CSMD1: variants seen among roughly 807,000 people sequenced by gnomAD.
CSMD1 encodes CUB and Sushi multiple domains 1.
A neutral mutation model predicts 417.5 loss-of-function variants in CSMD1; 213 were observed. That is an observed-to-expected ratio of 0.51 (90% CI 0.46 to 0.57). The LOEUF is 0.57. Among genes scored for constraint, CSMD1 ranks in the 20% least tolerant of loss-of-function variants. The probability of loss-of-function intolerance (pLI) is 0.00; values close to 1 mark genes in which losing one functional copy is unlikely to be tolerated. For missense variants in CSMD1, 6,923 were observed against 4,529.7 expected (o/e 1.53, Z -15.17); for synonymous variants, 2,862 against 1,736.8 (o/e 1.65, Z -16.11).
At chr8:3,628,150 G>GT (rs1796587420) in intron 7 of CSMD1, among the ~76,000 whole-genome samples, 1 of 152,168 alleles carries the variant, frequency 6.6e-6, no homozygotes, top group Non-Finnish European at 1.5e-5. Context: ...TTGTTGACGT[G>GT]TAAACCCCCC....
intron 5 of CSMD1, among the ~76,000 whole-genome samples, chr8:3,799,837 G>C (rs1201736146): frequency 6.6e-6 from 1 of 152,078 alleles, no homozygotes; most frequent in Non-Finnish European, 1.5e-5. Context: ...TGGACATGAG[G>C]CTAGGTTTTG....
intron 18 of CSMD1, among the ~76,000 whole-genome samples, chr8:3,374,060 C>T (rs564961436): frequency 6.6e-6 from 1 of 150,618 alleles, no homozygotes; most frequent in South Asian, 2.1e-4. Flanking sequence ...TCAAGCAATT[C>T]TCCTCCCTCA....
At chr8:4,237,654 T>G in intron 3 of CSMD1, among the ~76,000 whole-genome samples, 1 of 152,126 alleles carries the variant, frequency 6.6e-6, no homozygotes, top group Non-Finnish European at 1.5e-5. Context: ...TAGCTGAGAC[T>G]GGAGGTGTGC....
At chr8:4,202,180 T>G (rs531858016) in intron 3 of CSMD1, among the ~76,000 whole-genome samples, 8 of 152,192 alleles carry the variant, frequency 5.3e-5, no homozygotes, top group Non-Finnish European at 1.2e-4. Context: ...TGTGTTAGTA[T>G]TATTACTCTT....
At chr8:4,013,013 G>T (rs190804263) in intron 4 of CSMD1, among the ~76,000 whole-genome samples, 3 of 152,104 alleles carry the variant, frequency 2.0e-5, no homozygotes, top group African/African-American at 7.2e-5. Flanking sequence ...ATTTTGCAAT[G>T]ATTTTCTAAT....
intron 1 of CSMD1, among the ~76,000 whole-genome samples, chr8:4,991,390 A>G (rs1335335881): frequency 6.6e-6 from 1 of 152,236 alleles, no homozygotes; most frequent in East Asian, 1.9e-4. Flanking sequence ...GTACAGCACC[A>G]TCAGCTGAAG....
chr8:4,378,132 G>A (rs2128916993), intron 3 of CSMD1, among the ~76,000 whole-genome samples: 1 of 152,290 alleles, frequency 6.6e-6, no homozygotes, highest in South Asian at 2.1e-4. Flanking sequence ...GGCATGGAGT[G>A]TACATGCTTC....
At chr8:3,886,378 G>A (rs149803636) in intron 5 of CSMD1, among the ~76,000 whole-genome samples, 1,647 of 152,252 alleles carry the variant, frequency 0.011, 18 homozygotes, top group Middle Eastern at 0.048. Flanking sequence ...AAACTGTGGT[G>A]GCAAATTGGT....
At chr8:3,165,784 G>A (rs922266218) in intron 37 of CSMD1, among the ~76,000 whole-genome samples, 1 of 152,068 alleles carries the variant, frequency 6.6e-6, no homozygotes, top group African/African-American at 2.4e-5. Context: ...GGACAGTGAT[G>A]GGGATGTTAA....
chr8:3,030,395 T>A (rs1352488441), intron 50 of CSMD1, among the ~76,000 whole-genome samples: 2 of 152,036 alleles, frequency 1.3e-5, no homozygotes, highest in Non-Finnish European at 2.9e-5. Flanking sequence ...ATCAAATTGA[T>A]TAATTTATTG....
chr8:4,286,450 A>G (rs1406332110), intron 3 of CSMD1, among the ~76,000 whole-genome samples: 1 of 152,152 alleles, frequency 6.6e-6, no homozygotes, highest in Non-Finnish European at 1.5e-5. Flanking sequence ...AGTCGGTTGC[A>G]ATATGAATTA....
At chr8:3,574,189 A>G (rs1413509819) in intron 10 of CSMD1, among the ~76,000 whole-genome samples, 1 of 152,244 alleles carries the variant, frequency 6.6e-6, no homozygotes, top group Non-Finnish European at 1.5e-5. Context: ...AAACGTATAT[A>G]GCTTATGAGA....
chr8:3,475,669 T>G (rs1410510548), intron 11 of CSMD1, among the ~76,000 whole-genome samples: 1 of 152,258 alleles, frequency 6.6e-6, no homozygotes, highest in Non-Finnish European at 1.5e-5. Context: ...AAGATACTGC[T>G]GTCTCACATT....
intron 12 of CSMD1, among the ~76,000 whole-genome samples, chr8:3,425,627 A>T (rs1813791403): frequency 6.6e-6 from 1 of 150,914 alleles, no homozygotes; most frequent in Non-Finnish European, 1.5e-5. Flanking sequence ...AAGGAAAAAA[A>T]AGGAAATGCC....
intron 5 of CSMD1, among the ~76,000 whole-genome samples, chr8:3,796,548 A>G (rs1800160188): frequency 2.1e-5 from 3 of 145,516 alleles, no homozygotes; most frequent in Admixed American, 1.4e-4. Flanking sequence ...ATCTATATCC[A>G]TACATGATAG....
chr8:3,568,192 T>C (rs1339518827), intron 10 of CSMD1, among the ~76,000 whole-genome samples: 1 of 152,240 alleles, frequency 6.6e-6, no homozygotes, highest in African/African-American at 2.4e-5. Context: ...TGATGTTCAC[T>C]TGCCAAACAA....
intron 10 of CSMD1, among the ~76,000 whole-genome samples, chr8:3,514,875 GAAATA>G (rs1178742907): frequency 6.6e-6 from 1 of 151,908 alleles, no homozygotes; most frequent in East Asian, 1.9e-4. Context: ...AAAAATCAGA[GAAATA>G]AAATAAATTT....
intron 2 of CSMD1, among the ~76,000 whole-genome samples, chr8:4,503,435 C>G (rs1031064569): frequency 1.3e-5 from 2 of 152,030 alleles, no homozygotes; most frequent in African/African-American, 4.8e-5. Context: ...CATTTATATT[C>G]GCAATATGTT....
chr8:4,211,705 A>G lies in CSMD1; in HGVS notation c.416-179606T>C, dbSNP rs138984147. Among the ~76,000 whole-genome samples the G allele has an allele frequency of 3.0e-4, 46 of 152,340 alleles. 1 individual carries two copies. In the East Asian group the frequency reaches 8.7e-3, roughly 29 times the overall value. ...CAGACTTTAGGCAAGTTGAACATGA[A>G]GCAACCTGACTTTGCAAGTGGGGAG... On this transcript the variant is annotated intron_variant, in intron 3 of 69. Transcript: ENST00000635120.
Sources: allele counts gnomAD v4.1 joint callset (sites outside exome capture counted in the v4.1 genomes callset), GRCh38; gene constraint gnomAD v4.1.1; transcripts MANE v1.5; gene names NCBI Gene and HGNC (gene_info 2026-07-23, HGNC 2026-07-21).